The following TMEM132D variants were observed in gnomAD, a reference collection of about 807,000 sequenced individuals.
TMEM132D encodes transmembrane protein 132D.
TMEM132D carries 21 observed loss-of-function variants against 62.3 expected under a neutral mutation model. The observed-to-expected ratio is 0.34, with a 90% CI of 0.24 to 0.49. The LOEUF is 0.49. Among genes scored for constraint, TMEM132D ranks in the 20% least tolerant of loss-of-function variants. The pLI, the probability that TMEM132D is intolerant of heterozygous loss-of-function variation, is 0.99. For missense variants in TMEM132D, 1,346 were observed against 1,402.8 expected (o/e 0.96, Z 0.65); for synonymous variants, 621 against 575.6 (o/e 1.08, Z -1.13).
At chr12:129,680,756 C>A (rs1880757187) in intron 2 of TMEM132D, among the ~76,000 whole-genome samples, 1 of 152,164 alleles carries the variant, frequency 6.6e-6, no homozygotes, top group Non-Finnish European at 1.5e-5. Context: ...GGTGACACAG[C>A]CCAAGTATGA....
intron 7 of TMEM132D, among the ~76,000 whole-genome samples, chr12:129,080,780 CAGAA>C (rs574440602): frequency 4.8e-4 from 73 of 152,332 alleles, no homozygotes; most frequent in Admixed American, 1.0e-3. Context: ...TACATGTACA[CAGAA>C]AGAAAACAAT....
intron 5 of TMEM132D, among the ~76,000 whole-genome samples, chr12:129,169,306 AAC>A (rs1160280892): frequency 3.0e-4 from 46 of 152,206 alleles, no homozygotes; most frequent in Non-Finnish European, 5.6e-4. Flanking sequence ...GGGAGTCTCA[AAC>A]ACAATTATCT....
At chr12:129,349,229 A>G (rs1374303235) in intron 3 of TMEM132D, among the ~76,000 whole-genome samples, 1 of 152,206 alleles carries the variant, frequency 6.6e-6, no homozygotes, top group East Asian at 1.9e-4. Context: ...TGCTCCGGAT[A>G]TAACACTTGA....
At position 129,903,288 on chromosome 12, in the gene TMEM132D, T is replaced by C; in HGVS notation, c.52A>G (p.Ile18Val). The C allele has an allele frequency of 6.4e-7, 1 of 1,554,330 alleles. No individual in the cohort carries two copies. The change falls in exon 1 of 9, where the codon ATC (isoleucine) becomes GTC (valine). Residue 18 changes from isoleucine (I) to valine (V), a missense_variant. Ile to Val is a conservative substitution (Grantham distance 29). Transcript: ENST00000422113. The surrounding 1 kb of genome is among the most constrained non-coding windows in gnomAD (Gnocchi z 6.2). ...TTGGAAAACAGGGCGGCCAGGCTGATGAGTACCGGCGACCAGTGGTGCCAC... is the reference window on the plus strand; with the variant it reads ...TTGGAAAACAGGGCGGCCAGGCTGACGAGTACCGGCGACCAGTGGTGCCAC... The part of the protein sequence containing the change: ...TLWHHWSPVL[I>V]SLAALFSKVT...
At chr12:129,782,938 A>G (rs1177681239) in intron 1 of TMEM132D, among the ~76,000 whole-genome samples, 1 of 152,224 alleles carries the variant, frequency 6.6e-6, no homozygotes, top group African/African-American at 2.4e-5. Context: ...ATATGGCTCA[A>G]TTCATGTTCA....
intron 4 of TMEM132D, among the ~76,000 whole-genome samples, chr12:129,222,828 G>C (rs1476863848): frequency 6.6e-6 from 1 of 152,086 alleles, no homozygotes; most frequent in Non-Finnish European, 1.5e-5. Context: ...TTGTAGACTT[G>C]ATGTACAGCA....
intron 1 of TMEM132D, among the ~76,000 whole-genome samples, chr12:129,829,104 G>A (rs1434315691): frequency 6.6e-6 from 1 of 152,036 alleles, no homozygotes; most frequent in East Asian, 1.9e-4. Context: ...AGATGGCTAA[G>A]GCTCTGTTGA....
intron 5 of TMEM132D, among the ~76,000 whole-genome samples, chr12:129,141,990 A>G (rs538657149): frequency 4.2e-4 from 62 of 148,282 alleles, no homozygotes; most frequent in Non-Finnish European, 8.0e-4. Context: ...TAGATAATAT[A>G]TAACAATATT....
intron 2 of TMEM132D, among the ~76,000 whole-genome samples, chr12:129,645,773 G>A (rs1879762777): frequency 6.6e-6 from 1 of 152,178 alleles, no homozygotes; most frequent in African/African-American, 2.4e-5. Flanking sequence ...TGGTGACGGA[G>A]TGACCTCTGG....
At chr12:129,184,464 C>T (rs1878163148) in intron 5 of TMEM132D, among the ~76,000 whole-genome samples, 1 of 152,184 alleles carries the variant, frequency 6.6e-6, no homozygotes, top group Admixed American at 6.5e-5. Context: ...ATTTCTGGGC[C>T]GTCTGGCTGA....
intron 4 of TMEM132D, among the ~76,000 whole-genome samples, chr12:129,273,670 A>G (rs748842523): frequency 1.1e-4 from 16 of 151,886 alleles, no homozygotes; most frequent in Non-Finnish European, 2.4e-4. Context: ...GCATGAACGA[A>G]AAACCAGTTA....
At chr12:129,104,835 A>T (rs1297542993) in intron 5 of TMEM132D, among the ~76,000 whole-genome samples, 1 of 143,670 alleles carries the variant, frequency 7.0e-6, no homozygotes, top group East Asian at 2.0e-4. Context: ...AATCAAAACC[A>T]CAATGAGATA....
intron 7 of TMEM132D, among the ~76,000 whole-genome samples, chr12:129,079,928 CCT>C (rs1294166227): frequency 1.3e-5 from 2 of 152,154 alleles, no homozygotes; most frequent in African/African-American, 4.8e-5. Flanking sequence ...CTTCCTCTTC[CCT>C]GACACCTGGT....
At chr12:129,319,295 C>T (rs937043512) in intron 4 of TMEM132D, among the ~76,000 whole-genome samples, 4 of 152,172 alleles carry the variant, frequency 2.6e-5, no homozygotes, top group African/African-American at 7.2e-5. Context: ...CTTCCTCTAC[C>T]CCTGTATTTC....
chr12:129,267,655 C>T (rs1026380504), intron 4 of TMEM132D, among the ~76,000 whole-genome samples: 3 of 152,166 alleles, frequency 2.0e-5, no homozygotes, highest in Non-Finnish European at 4.4e-5. Context: ...CTACCAATGA[C>T]TTTCTTCACA....
chr12:129,539,076 G>A (rs1593057516), intron 2 of TMEM132D, among the ~76,000 whole-genome samples: 1 of 152,166 alleles, frequency 6.6e-6, no homozygotes, highest in Non-Finnish European at 1.5e-5. Flanking sequence ...AAGAGACCAT[G>A]TGGGTGACAA....
rs535282685 is a variant in TMEM132D at position 129,423,809 on chromosome 12, C to T, written c.1116-85992G>A. The stretch of plus-strand genomic sequence containing the variant: ...AGCTTTTGACAAGGAAAGCTACCAC[C>T]CACTGCTTCCTAATTTTTAAAAAGC... On this transcript the variant is annotated intron_variant, in intron 3 of 8. Coordinates refer to ENST00000422113, the MANE Select transcript of TMEM132D (RefSeq NM_133448.3). Among the ~76,000 whole-genome samples, 12 of 152,202 alleles carry T rather than the reference C, an allele frequency of 7.9e-5. No homozygotes were observed. The South Asian group carries it at 1.5e-3, about 18-fold the overall frequency.
intron 2 of TMEM132D, among the ~76,000 whole-genome samples, chr12:129,620,187 C>T (rs1461530793): frequency 6.6e-6 from 1 of 152,246 alleles, no homozygotes; most frequent in Non-Finnish European, 1.5e-5. Flanking sequence ...CACTGCTCTG[C>T]CCAAGCTCTG....
rs867814942 is a variant in TMEM132D at position 129,429,040 on chromosome 12, C to T, written c.1116-91223G>A. Among the ~76,000 whole-genome samples, 17 of 152,300 alleles carry T rather than the reference C, an allele frequency of 1.1e-4. No homozygotes were observed. The Middle Eastern group carries it at 0.01, about 91-fold the overall frequency. On this transcript the variant is annotated intron_variant, in intron 3 of 8. Transcript: ENST00000422113. ...AGTCCTTCAAGTTACTCACTGTAGT[C>T]CAAAGTCCTTCAAGTTACTCACTGT...
Sources: allele counts gnomAD v4.1 joint callset (sites outside exome capture counted in the v4.1 genomes callset), GRCh38; gene constraint gnomAD v4.1.1; non-coding constraint Gnocchi (gnomAD v3.1); transcripts MANE v1.5; gene names NCBI Gene and HGNC (gene_info 2026-07-23, HGNC 2026-07-21).